The following PIEZO2 variants were observed in gnomAD, a reference collection of about 807,000 sequenced individuals.
PIEZO2 encodes piezo type mechanosensitive ion channel component 2.
Under a neutral mutation model 337.3 loss-of-function variants are expected in PIEZO2, and 172 were observed. That is an observed-to-expected ratio of 0.51 (90% CI 0.45 to 0.58). PIEZO2 has a LOEUF of 0.58. PIEZO2 is among the 20% of genes least tolerant of loss of function. PIEZO2 has a pLI of 0.00. For missense variants in PIEZO2, 3,028 were observed against 3,391.3 expected (o/e 0.89, Z 2.66); for synonymous variants, 1,251 against 1,228.5 (o/e 1.02, Z -0.38).
At chr18:10,714,004 A>ATAC (rs1221991326) in intron 39 of PIEZO2, among the ~76,000 whole-genome samples, 1 of 152,216 alleles carries the variant, frequency 6.6e-6, no homozygotes, top group African/African-American at 2.4e-5. Flanking sequence ...GAGAGACAGC[A>ATAC]TACTAGGGTG....
chr18:10,675,352 T>C, intron 53 of PIEZO2, 64 bp from the exon 54 acceptor site: 1 of 1,087,824 alleles, frequency 9.2e-7, no homozygotes, highest in Non-Finnish European at 1.3e-6. Flanking sequence ...AAAATTGATT[T>C]TTTGTTGTTA....
chr18:10,970,649 A>T (rs553496828), intron 3 of PIEZO2, among the ~76,000 whole-genome samples: 32 of 148,062 alleles, frequency 2.2e-4, no homozygotes, highest in African/African-American at 7.5e-4. Flanking sequence ...ACTTAGAACA[A>T]AAAAGATGTT....
chr18:10,788,272 C>T (rs918153445), intron 15 of PIEZO2, among the ~76,000 whole-genome samples: 2 of 151,828 alleles, frequency 1.3e-5, no homozygotes, highest in Non-Finnish European at 2.9e-5. Context: ...GGTGTTGGCA[C>T]ACACTTGGAA....
At chr18:10,717,837 C>T (rs1476122030) in intron 37 of PIEZO2, among the ~76,000 whole-genome samples, 5 of 152,170 alleles carry the variant, frequency 3.3e-5, no homozygotes, top group South Asian at 2.1e-4. Flanking sequence ...CATTTACCTC[C>T]TCCTCTCTGT....
chr18:10,803,757 TA>T (rs1480862323), intron 9 of PIEZO2, 117 bp downstream of exon 9: 2 of 1,306,174 alleles, frequency 1.5e-6, no homozygotes, highest in Non-Finnish European at 2.0e-6. Flanking sequence ...ACTGTTTCTA[TA>T]AACTACAAGC....
Position 11,031,974 on chromosome 18 carries a change from GTC to G in PIEZO2, c.160+34151_160+34152del, listed in dbSNP as rs1185971554. ...TCTCTGTCTTTCTCTGTTTCTCTCT[GTC>G]TCTCTCTCACACACATACGCATACA... On this transcript the variant is annotated intron_variant, in intron 2 of 55. Coordinates refer to ENST00000674853, the MANE Select transcript of PIEZO2 (RefSeq NM_001378183.1). This position sits in a 1 kb window ranked among gnomAD's most constrained non-coding sequence, Gnocchi z 4.7. Among the ~76,000 whole-genome samples the G allele has an allele frequency of 6.6e-6, 1 of 151,780 alleles. No individual in the cohort carries two copies. Among genetic ancestry groups the G allele is most frequent in the Non-Finnish European group, 1.5e-5 (1 of 67,970 alleles).
intron 4 of PIEZO2, among the ~76,000 whole-genome samples, chr18:10,900,279 C>T (rs896641886): frequency 2.6e-5 from 4 of 152,052 alleles, no homozygotes; most frequent in Non-Finnish European, 5.9e-5. Flanking sequence ...GTTTCAAGTA[C>T]ACACAAGATA....
chr18:10,685,526 C>A (rs554209367), intron 49 of PIEZO2, among the ~76,000 whole-genome samples: 62 of 152,324 alleles, frequency 4.1e-4, no homozygotes, highest in African/African-American at 1.4e-3. Flanking sequence ...CAGAACGAGC[C>A]TTCCCTCATT....
chr18:10,776,769 G>A (rs1412959348), intron 18 of PIEZO2, among the ~76,000 whole-genome samples: 2 of 152,114 alleles, frequency 1.3e-5, no homozygotes, highest in African/African-American at 4.8e-5. Flanking sequence ...ACAGCTGTAT[G>A]GACTCTCCGG....
chr18:10,725,542 T>G, intron 36 of PIEZO2: 1 of 1,375,282 alleles, frequency 7.3e-7, no homozygotes. Context: ...GGGGCCCCAC[T>G]AACTCCCCCT....
In PIEZO2 at chr18:10,767,881, C is replaced by G. The variant is rs557737067; in HGVS notation, c.2946+2267G>C. Among the ~76,000 whole-genome samples the G allele has an allele frequency of 6.6e-6, 1 of 152,264 alleles. No homozygotes were observed. Among genetic ancestry groups the G allele is most frequent in the South Asian group, 2.1e-4 (1 of 4,820 alleles). Reference sequence around the variant, plus strand: ...GGCTGTGGGATGCCCCACCGTGGAGCCTCCAGGAGGGCAAGGGCAGGTTTA... The same window carrying G: ...GGCTGTGGGATGCCCCACCGTGGAGGCTCCAGGAGGGCAAGGGCAGGTTTA... On this transcript the variant is annotated intron_variant, in intron 21 of 55. Transcript: ENST00000674853. The surrounding 1 kb of genome is among the most constrained non-coding windows in gnomAD (Gnocchi z 4.2).
intron 4 of PIEZO2, among the ~76,000 whole-genome samples, chr18:10,901,827 A>G (rs2043056105): frequency 6.6e-6 from 1 of 152,006 alleles, no homozygotes; most frequent in East Asian, 1.9e-4. Flanking sequence ...ACAAAGTCAG[A>G]TCCGGATTTT....
chr18:10,768,225 A>G (rs952665125), intron 21 of PIEZO2, among the ~76,000 whole-genome samples: 3 of 152,182 alleles, frequency 2.0e-5, no homozygotes, highest in Admixed American at 6.5e-5. Flanking sequence ...TACTGAAGTG[A>G]GATTTTGCTC....
rs189429945 is a variant in PIEZO2 at position 10,998,663 on chromosome 18, G to A, written c.161-19003C>T. Among the ~76,000 whole-genome samples the A allele has an allele frequency of 7.2e-5, 11 of 151,852 alleles. No individual in the cohort carries two copies. In the East Asian group the frequency reaches 1.9e-3, roughly 27 times the overall value. Reference sequence around the variant, plus strand: ...TAGATTTGCAAAATAAGTAATCTATGGCTATAATGGCATAATACCAAACTA... The same window carrying A: ...TAGATTTGCAAAATAAGTAATCTATAGCTATAATGGCATAATACCAAACTA... On this transcript the variant is annotated intron_variant, in intron 2 of 55. Transcript: ENST00000674853.
In PIEZO2 at chr18:11,080,584, G is replaced by A. The variant is rs2038702657; in HGVS notation, c.65-14362C>T. ...GCATCAGGCCAGGTGCGGGGCTCACGCCTATAATCCCAGCACTTTGGGAGA... is the reference window on the plus strand; with the variant it reads ...GCATCAGGCCAGGTGCGGGGCTCACACCTATAATCCCAGCACTTTGGGAGA... On this transcript the variant is annotated intron_variant, in intron 1 of 55. Coordinates refer to ENST00000674853, the MANE Select transcript of PIEZO2 (RefSeq NM_001378183.1). This position sits in a 1 kb window ranked among gnomAD's most constrained non-coding sequence, Gnocchi z 5.4. Among the ~76,000 whole-genome samples the A allele has an allele frequency of 6.6e-6, 1 of 152,250 alleles. No homozygotes were observed. The highest frequency in any genetic ancestry group is 1.5e-5 in the Non-Finnish European group (1 of 68,052).
intron 3 of PIEZO2, among the ~76,000 whole-genome samples, chr18:10,971,987 T>A (rs264242): frequency 1.3e-5 from 2 of 151,834 alleles, no homozygotes; most frequent in South Asian, 4.2e-4. Flanking sequence ...TTAAGAGATA[T>A]GGTAAGAATT....
At chr18:10,803,226 A>G (rs2039886135) in intron 9 of PIEZO2, among the ~76,000 whole-genome samples, 1 of 152,238 alleles carries the variant, frequency 6.6e-6, no homozygotes, top group Non-Finnish European at 1.5e-5. Flanking sequence ...TCAGTGAGTT[A>G]CAGGTATCGA....
rs570571914 is a variant in PIEZO2 at position 11,003,659 on chromosome 18, G to A, written c.161-23999C>T. Among the ~76,000 whole-genome samples, 3 of 152,146 alleles carry A rather than the reference G, an allele frequency of 2.0e-5. No individual in the cohort carries two copies. The highest frequency in any genetic ancestry group is 1.9e-4 in the East Asian group (1 of 5,178). On this transcript the variant is annotated intron_variant, in intron 2 of 55. Transcript: ENST00000674853. The surrounding 1 kb of genome is among the most constrained non-coding windows in gnomAD (Gnocchi z 4.6). ...GGGCACCAGCCCTAGCCAGTACACC[G>A]TCCCATCTTGGGCACACTCACATAC...
intron 10 of PIEZO2, among the ~76,000 whole-genome samples, chr18:10,800,992 A>G (rs2039792955): frequency 6.6e-6 from 1 of 152,236 alleles, no homozygotes; most frequent in Non-Finnish European, 1.5e-5. Context: ...GCCTGACTGC[A>G]GGTTGCTATG....
Sources: allele counts gnomAD v4.1 joint callset (sites outside exome capture counted in the v4.1 genomes callset), GRCh38; gene constraint gnomAD v4.1.1; non-coding constraint Gnocchi (gnomAD v3.1); transcripts MANE v1.5; gene names NCBI Gene and HGNC (gene_info 2026-07-23, HGNC 2026-07-21).